The following NKAIN3 variants were observed in gnomAD, a reference collection of about 807,000 sequenced individuals.
NKAIN3 encodes the protein sodium/potassium transporting ATPase interacting 3.
Under a neutral mutation model 30.2 loss-of-function variants are expected in NKAIN3, and 25 were observed. That is an observed-to-expected ratio of 0.83 (90% CI 0.60 to 1.16). The LOEUF is 1.16. Among genes scored for constraint, NKAIN3 ranks in the 50% most tolerant of loss-of-function variants. The probability of loss-of-function intolerance (pLI) is 0.00; values close to 1 mark genes in which losing one functional copy is unlikely to be tolerated. For missense variants in NKAIN3, 225 were observed against 254.1 expected, an observed-to-expected ratio of 0.89 and a Z score of 0.78; for synonymous variants, 91 against 89.6, an observed-to-expected ratio of 1.02 and a Z score of -0.09.
chr8:62,695,203 G>T (rs1431060337), intron 3 of NKAIN3, among the ~76,000 whole-genome samples: 1 of 152,030 alleles, frequency 6.6e-6, no homozygotes, highest in Non-Finnish European at 1.5e-5. Flanking sequence ...ACATGTCATT[G>T]TGCCAAACTT....
intron 3 of NKAIN3, among the ~76,000 whole-genome samples, chr8:62,692,730 C>T (rs1282992059): frequency 2.0e-5 from 3 of 152,166 alleles, no homozygotes; most frequent in African/African-American, 4.8e-5. Flanking sequence ...TAATTTGAGG[C>T]CACTCGACAT....
At chr8:62,361,570 G>A (rs1816565502) in intron 1 of NKAIN3, among the ~76,000 whole-genome samples, 1 of 152,188 alleles carries the variant, frequency 6.6e-6, no homozygotes, top group Non-Finnish European at 1.5e-5. Context: ...GAGAACTACT[G>A]TTAATAACTC....
chr8:62,401,013 T>TTCTTTCTCTCTCTC (rs1554526679), intron 1 of NKAIN3, among the ~76,000 whole-genome samples: 1 of 143,744 alleles, frequency 7.0e-6, no homozygotes, highest in Non-Finnish European at 1.5e-5. Flanking sequence ...CTTTCTACCT[T>TTCTTTCTCTCTCTC]TCTCTCACTC....
chr8:62,744,829 C>A (rs181792210), intron 3 of NKAIN3, among the ~76,000 whole-genome samples: 1 of 152,030 alleles, frequency 6.6e-6, no homozygotes, highest in Non-Finnish European at 1.5e-5. Context: ...ATGACCTAAA[C>A]GTTTTATTAT....
chr8:62,437,504 T>G (rs1563398671), intron 1 of NKAIN3, among the ~76,000 whole-genome samples: 1 of 152,214 alleles, frequency 6.6e-6, no homozygotes, highest in Non-Finnish European at 1.5e-5. Flanking sequence ...GACTGGTCAG[T>G]GCTATTCTGT....
rs572137786 is a variant in NKAIN3, at chr8:62,343,805, T to C, written c.54+94678T>C. ...CAGGATGCATGACAGATCAAGTCTCTATCTCTTAAAAAAAAAGTATACTTA... is the reference window on the plus strand; with the variant it reads ...CAGGATGCATGACAGATCAAGTCTCCATCTCTTAAAAAAAAAGTATACTTA... On this transcript the variant is annotated intron_variant, in intron 1 of 6. Transcript: ENST00000623646. Among the ~76,000 whole-genome samples the C allele has an allele frequency of 2.0e-5, 3 of 152,140 alleles. No individual in the cohort carries two copies. The South Asian group carries it at 6.2e-4, about 32-fold the overall frequency.
chr8:62,726,474 T>C (rs1815262294), intron 3 of NKAIN3, among the ~76,000 whole-genome samples: 1 of 152,072 alleles, frequency 6.6e-6, no homozygotes, highest in Admixed American at 6.6e-5. Flanking sequence ...GTTTCTTCTT[T>C]ACCCAATTTT....
At chr8:62,828,156 A>G (rs1399271763) in intron 4 of NKAIN3, among the ~76,000 whole-genome samples, 1 of 152,204 alleles carries the variant, frequency 6.6e-6, no homozygotes, top group East Asian at 1.9e-4. Flanking sequence ...CAGTCTGAAA[A>G]GACAACATAT....
intron 1 of NKAIN3, among the ~76,000 whole-genome samples, chr8:62,265,580 T>A (rs1812577056): frequency 6.6e-6 from 1 of 152,206 alleles, no homozygotes; most frequent in South Asian, 2.1e-4. Flanking sequence ...TAACTTTATT[T>A]AAATATGAAA....
intron 4 of NKAIN3, among the ~76,000 whole-genome samples, chr8:62,864,915 G>A (rs1440672613): frequency 1.3e-5 from 2 of 152,084 alleles, no homozygotes; most frequent in East Asian, 1.9e-4. Flanking sequence ...GCACCCCTGC[G>A]GACATCTGGA....
intron 1 of NKAIN3, among the ~76,000 whole-genome samples, chr8:62,326,675 A>C (rs1360718623): frequency 6.6e-6 from 1 of 151,986 alleles, no homozygotes; most frequent in Admixed American, 6.6e-5. Context: ...ATATCTTGAG[A>C]AATATCACTG....
chr8:62,710,468 A>G (rs1167499998), intron 3 of NKAIN3, among the ~76,000 whole-genome samples: 1 of 152,202 alleles, frequency 6.6e-6, no homozygotes, highest in Non-Finnish European at 1.5e-5. Flanking sequence ...TCACCATTAT[A>G]TAATGTCCCT....
At chr8:62,508,429 T>G (rs1451601461) in intron 1 of NKAIN3, among the ~76,000 whole-genome samples, 1 of 152,154 alleles carries the variant, frequency 6.6e-6, no homozygotes, top group African/African-American at 2.4e-5. Flanking sequence ...TCACAAACAT[T>G]AGTTTTCCTT....
At chr8:62,937,873 G>A (rs954486613) in intron 5 of NKAIN3, among the ~76,000 whole-genome samples, 4 of 152,046 alleles carry the variant, frequency 2.6e-5, no homozygotes, top group Non-Finnish European at 5.9e-5. Context: ...GACATAGTGA[G>A]AGTGAGACTG....
intron 1 of NKAIN3, among the ~76,000 whole-genome samples, chr8:62,362,959 C>T (rs1037905279): frequency 2.6e-5 from 4 of 152,042 alleles, no homozygotes; most frequent in African/African-American, 4.8e-5. Flanking sequence ...CCAAGACTCC[C>T]GAGATTAAGG....
intron 3 of NKAIN3, among the ~76,000 whole-genome samples, chr8:62,731,760 C>T (rs1454309427): frequency 6.6e-6 from 1 of 152,178 alleles, no homozygotes; most frequent in African/African-American, 2.4e-5. Context: ...GAGCCCTCCA[C>T]TGAAGGTCAG....
At chr8:62,837,659 T>A (rs1819408911) in intron 4 of NKAIN3, among the ~76,000 whole-genome samples, 1 of 152,156 alleles carries the variant, frequency 6.6e-6, no homozygotes, top group African/African-American at 2.4e-5. Context: ...AATTATTTTA[T>A]AGCTAGTAGA....
intron 1 of NKAIN3, among the ~76,000 whole-genome samples, chr8:62,454,300 G>GTAAAAAAAAAAAAAAAAAAAAAAA: frequency 4.2e-5 from 1 of 23,774 alleles, no homozygotes. Context: ...TAGCTGATGT[G>GTAAAAAAAAAAAAAAAAAAAAAAA]CAAAAAAAAA....
intron 1 of NKAIN3, among the ~76,000 whole-genome samples, chr8:62,504,323 T>C (rs1807564464): frequency 6.6e-6 from 1 of 152,208 alleles, no homozygotes; most frequent in South Asian, 2.1e-4. Context: ...TAACTATGAA[T>C]ATAAAATATC....
Sources: gnomAD v4.1 joint callset for allele counts (sites outside exome capture counted in the v4.1 genomes callset) on GRCh38, gnomAD v4.1.1 for gene constraint, MANE v1.5 for transcripts, NCBI Gene and HGNC (gene_info 2026-07-23, HGNC 2026-07-21) for gene names.